Variants in SLC25A48 observed in about 807,000 individuals in gnomAD.
SLC25A48 encodes the protein CTC-321K16.1.
SLC25A48 carries 29 observed loss-of-function variants against 32.2 expected under a neutral mutation model. That is an observed-to-expected ratio of 0.90 (90% CI 0.67 to 1.23). The LOEUF is 1.23. Among genes scored for constraint, SLC25A48 ranks in the 50% most tolerant of loss-of-function variants. SLC25A48 has a pLI of 0.00. For missense variants in SLC25A48, 399 were observed against 422.7 expected (o/e 0.94, Z 0.49); for synonymous variants, 164 against 172.3 (o/e 0.95, Z 0.38).
At chr5:135,639,308 A>G (rs896365143) in intron 3 of SLC25A48, among the ~76,000 whole-genome samples, 1 of 152,244 alleles carries the variant, frequency 6.6e-6, no homozygotes, top group Admixed American at 6.5e-5. Flanking sequence ...TCAGTCTCAC[A>G]GCTCTTATGT....
At chr5:135,794,598 T>C (rs1242737025) in intron 3 of SLC25A48, among the ~76,000 whole-genome samples, 1 of 151,732 alleles carries the variant, frequency 6.6e-6, no homozygotes, top group African/African-American at 2.4e-5. Flanking sequence ...CATGTGAAAT[T>C]GTTCCTTATA....
intron 7 of SLC25A48, among the ~76,000 whole-genome samples, chr5:135,880,402 A>C (rs548722158): frequency 4.1e-4 from 62 of 151,752 alleles, no homozygotes; most frequent in Non-Finnish European, 5.9e-4. Flanking sequence ...AAGTACTTTT[A>C]CCTTCACTGT....
At chr5:135,832,005 A>G (rs1417754804), upstream of SLC25A48, among the ~76,000 whole-genome samples, 1 of 151,998 alleles carries the variant, frequency 6.6e-6, no homozygotes, top group Non-Finnish European at 1.5e-5. Context: ...ACCTTGGGAG[A>G]GAGAAATGGA....
upstream of SLC25A48, among the ~76,000 whole-genome samples, chr5:135,833,964 G>T (rs1758309828): frequency 6.6e-6 from 1 of 152,214 alleles, no homozygotes; most frequent in African/African-American, 2.4e-5. Flanking sequence ...CAACCTTGGG[G>T]TGTCTTGGCT....
intron 1 of SLC25A48, among the ~76,000 whole-genome samples, chr5:135,627,323 G>A (rs1360575752): frequency 6.6e-6 from 1 of 152,164 alleles, no homozygotes; most frequent in Non-Finnish European, 1.5e-5. Context: ...CAGTGTCTAG[G>A]ACAATGGCTG....
intron 4 of SLC25A48, among the ~76,000 whole-genome samples, 182 bp downstream of exon 4, chr5:135,853,003 T>C (rs1182648152): frequency 6.6e-6 from 1 of 152,210 alleles, no homozygotes; most frequent in Non-Finnish European, 1.5e-5. Context: ...ACTGCAATAA[T>C]GCAAATATCA....
intron 3 of SLC25A48, among the ~76,000 whole-genome samples, chr5:135,755,771 T>G (rs1755885487): frequency 6.6e-6 from 1 of 151,960 alleles, no homozygotes; most frequent in Non-Finnish European, 1.5e-5. Flanking sequence ...TCATACGTAG[T>G]GTCAATGCAC....
At chr5:135,756,212 A>C (rs1755898647) in intron 3 of SLC25A48, among the ~76,000 whole-genome samples, 1 of 152,128 alleles carries the variant, frequency 6.6e-6, no homozygotes, top group Non-Finnish European at 1.5e-5. Flanking sequence ...TGTTAACACA[A>C]AATGATATCT....
chr5:135,843,540 G>A (rs764259742), intron 2 of SLC25A48, among the ~76,000 whole-genome samples: 1 of 152,194 alleles, frequency 6.6e-6, no homozygotes, highest in African/African-American at 2.4e-5. Flanking sequence ...ACAGTGGTAG[G>A]TGCTGGGGGA....
Position 135,647,799 on chromosome 5 carries a change from C to T in SLC25A48, c.-521+12843C>T, listed in dbSNP as rs570093240. ...GCTCTCTGCAGAACAGGACCTGTGG[C>T]GGGAATCCCTGGGGCCCTAGCTTTC... On this transcript the variant is annotated intron_variant, in intron 3 of 10. Coordinates refer to the SLC25A48 transcript ENST00000646290. Among the ~76,000 whole-genome samples the T allele has an allele frequency of 4.3e-3, 660 of 152,312 alleles. 8 individuals carry two copies. The highest frequency in any genetic ancestry group is 0.015 in the African/African-American group (621 of 41,568).
Position 135,800,308 on chromosome 5 carries a change from G to C in SLC25A48, c.-520-12215G>C, listed in dbSNP as rs74719369. On this transcript the variant is annotated intron_variant, in intron 3 of 10. Coordinates refer to the SLC25A48 transcript ENST00000646290. ...AGCAAAGGGTGTACAGCCCGCTTGT[G>C]GTATTGTTCTTAATATTTAGGGAGC... Among the ~76,000 whole-genome samples the C allele has an allele frequency of 8.3e-3, 1,257 of 151,832 alleles. 9 individuals carry two copies. The highest frequency in any genetic ancestry group is 0.026 in the African/African-American group (1,096 of 41,438).
chr5:135,735,397 G>C (rs953296115), intron 3 of SLC25A48, among the ~76,000 whole-genome samples: 1 of 152,212 alleles, frequency 6.6e-6, no homozygotes. Context: ...TATTTAGAAT[G>C]AGACAGTCAG....
At chr5:135,720,797 G>T (rs6866460) in intron 3 of SLC25A48, among the ~76,000 whole-genome samples, 6,078 of 152,170 alleles carry the variant, frequency 0.04, 425 homozygotes, top group African/African-American at 0.14. Flanking sequence ...GGTGGTGTAG[G>T]GAAGGGAGAA....
intron 3 of SLC25A48, among the ~76,000 whole-genome samples, chr5:135,676,469 T>C (rs1753770154): frequency 6.6e-6 from 1 of 152,008 alleles, no homozygotes. Flanking sequence ...CATTTAGTTC[T>C]GTTCTGATCT....
rs142422268 is a variant in SLC25A48 at position 135,782,568 on chromosome 5, G to T, written c.-520-29955G>T. ...TATTACTTTTAATATGGTAGGGAGGGTGGTTAACCCACCCTGTGAGAGTGT... is the reference window on the plus strand; with the variant it reads ...TATTACTTTTAATATGGTAGGGAGGTTGGTTAACCCACCCTGTGAGAGTGT... On this transcript the variant is annotated intron_variant, in intron 3 of 10. Coordinates refer to the SLC25A48 transcript ENST00000646290. Among the ~76,000 whole-genome samples the T allele has an allele frequency of 8.2e-3, 961 of 116,776 alleles. 129 individuals carry two copies. Among genetic ancestry groups the T allele is most frequent in the African/African-American group, 0.024 (908 of 38,462 alleles). The allele number at this position is 116,776 out of a possible 152,430, so 76.6% of individuals were successfully genotyped here. A position where few individuals can be genotyped will look rare whatever the true frequency, so the allele number is the denominator to read the frequency against.
chr5:135,598,034 A>G (rs1220254607), intron 1 of SLC25A48, among the ~76,000 whole-genome samples: 1 of 151,962 alleles, frequency 6.6e-6, no homozygotes, highest in Non-Finnish European at 1.5e-5. Flanking sequence ...AAACAAACAA[A>G]CAAACAAACA....
chr5:135,711,999 A>G (rs1490450439), intron 3 of SLC25A48, among the ~76,000 whole-genome samples: 4 of 151,130 alleles, frequency 2.6e-5, no homozygotes, highest in African/African-American at 7.3e-5. Flanking sequence ...AGTTCTCCCA[A>G]CTTCTCGCAA....
chr5:135,759,524 C>T (rs1366853955), intron 3 of SLC25A48, among the ~76,000 whole-genome samples: 4 of 152,140 alleles, frequency 2.6e-5, no homozygotes. Flanking sequence ...CCTTCTTCAG[C>T]ACATAGTTAC....
intron 3 of SLC25A48, among the ~76,000 whole-genome samples, chr5:135,696,395 T>A (rs1033041622): frequency 3.3e-5 from 5 of 152,242 alleles, no homozygotes; most frequent in African/African-American, 1.2e-4. Context: ...TTGGATCACC[T>A]GTGCCAAATT....
Sources: gnomAD v4.1 joint callset for allele counts (sites outside exome capture counted in the v4.1 genomes callset) on GRCh38, gnomAD v4.1.1 for gene constraint, MANE v1.5 for transcripts, NCBI Gene and HGNC (gene_info 2026-07-23, HGNC 2026-07-21) for gene names.